The following CCDC60 variants were observed in gnomAD, a reference collection of about 807,000 sequenced individuals.
The protein encoded by CCDC60 is coiled-coil domain containing 60.
CCDC60 carries 54 observed loss-of-function variants against 63.5 expected under a neutral mutation model. The observed-to-expected ratio is 0.85, with a 90% CI of 0.68 to 1.07. The LOEUF (loss-of-function observed/expected upper bound fraction) is 1.07, where lower values mean the gene tolerates loss of function less well. Among genes scored for constraint, CCDC60 ranks in the 50% least tolerant of loss-of-function variants. CCDC60 has a pLI of 0.00. For missense variants in CCDC60, 651 were observed against 684.3 expected (o/e 0.95, Z 0.54); for synonymous variants, 206 against 238.8 (o/e 0.86, Z 1.27).
intron 2 of CCDC60, among the ~76,000 whole-genome samples, chr12:119,465,014 A>G (rs1044590608): frequency 6.6e-6 from 1 of 152,218 alleles, no homozygotes; most frequent in Non-Finnish European, 1.5e-5. Flanking sequence ...CCAATTACGA[A>G]TTAAATAAAT....
rs534522838 is a variant in CCDC60 at position 119,426,900 on chromosome 12, A to G, written c.91-1783A>G. Among the ~76,000 whole-genome samples the G allele has an allele frequency of 1.4e-4, 22 of 152,184 alleles. 1 individual carries two copies. The South Asian group carries it at 3.9e-3, about 27-fold the overall frequency. On this transcript the variant is annotated intron_variant, in intron 1 of 13. Transcript: ENST00000327554. ...GAAACAACAATGCTTTTCAACTTTC[A>G]CTTTACACTTCAAAGCCTCAGAGCA...
intron 7 of CCDC60, among the ~76,000 whole-genome samples, chr12:119,509,346 C>T (rs540659523): frequency 7.2e-5 from 11 of 152,310 alleles, no homozygotes; most frequent in South Asian, 4.1e-4. Context: ...AGCTCACACT[C>T]GTAATCCTGG....
chr12:119,491,414 C>T (rs708876), intron 5 of CCDC60, among the ~76,000 whole-genome samples: 16,798 of 152,146 alleles, frequency 0.11, 1,349 homozygotes, highest in Non-Finnish European at 0.17. Context: ...CTGCAACCTC[C>T]GCCTCCTGGG....
intron 1 of CCDC60, among the ~76,000 whole-genome samples, chr12:119,415,082 C>A (rs561626875): frequency 6.6e-6 from 1 of 152,204 alleles, no homozygotes; most frequent in African/African-American, 2.4e-5. Flanking sequence ...TTGTCAGTTT[C>A]GGTGACTTAG....
At chr12:119,502,570 A>G (rs1444080289) in intron 6 of CCDC60, among the ~76,000 whole-genome samples, 1 of 152,200 alleles carries the variant, frequency 6.6e-6, no homozygotes, top group Non-Finnish European at 1.5e-5. Context: ...TTTTTCTGCC[A>G]GTTTCAATTA....
chr12:119,528,131 T>C (rs1405114109), intron 11 of CCDC60, among the ~76,000 whole-genome samples: 1 of 152,072 alleles, frequency 6.6e-6, no homozygotes, highest in Non-Finnish European at 1.5e-5. Context: ...CTGTAGGCAG[T>C]GGGGTGACAT....
chr12:119,521,305 CTGCATTCA>C, intron 9 of CCDC60, among the ~76,000 whole-genome samples: 1 of 152,290 alleles, frequency 6.6e-6, no homozygotes. Flanking sequence ...TTTTTCCCAT[CTGCATTCA>C]TGGACCCCTT....
At chr12:119,392,963 T>C (rs1956186532) in intron 1 of CCDC60, among the ~76,000 whole-genome samples, 1 of 152,098 alleles carries the variant, frequency 6.6e-6, no homozygotes, top group African/African-American at 2.4e-5. Context: ...GAGACCACCC[T>C]GGGCAACACG....
intron 2 of CCDC60, among the ~76,000 whole-genome samples, chr12:119,451,883 G>C (rs545997662): frequency 6.6e-6 from 1 of 152,220 alleles, no homozygotes; most frequent in African/African-American, 2.4e-5. Flanking sequence ...TGAAGATGTT[G>C]GTCCCTAAGT....
chr12:119,346,631 T>G (rs1955595465), intron 1 of CCDC60, among the ~76,000 whole-genome samples: 1 of 152,218 alleles, frequency 6.6e-6, no homozygotes. Flanking sequence ...AGAATGTGAC[T>G]GTGCCCGTGA....
chr12:119,433,377 C>T, intron 2 of CCDC60: 1 of 701,522 alleles, frequency 1.4e-6, no homozygotes, highest in East Asian at 2.7e-5. Flanking sequence ...TCTGCTCGGA[C>T]ACCCTTAGCC....
In CCDC60 at chr12:119,384,126, G is replaced by A. The variant is rs542161208; in HGVS notation, c.91-44557G>A. On this transcript the variant is annotated intron_variant, in intron 1 of 13. Coordinates refer to ENST00000327554, the MANE Select transcript of CCDC60 (RefSeq NM_178499.5). ...CAGGAGAATGGTTGTGACCCAGGAG[G>A]TGGAGCTTGCAGTGAGCTGACATCG... Among the ~76,000 whole-genome samples the A allele has an allele frequency of 2.5e-4, 38 of 152,170 alleles. No individual in the cohort carries two copies. The East Asian group carries it at 7.0e-3, about 28-fold the overall frequency.
intron 2 of CCDC60, among the ~76,000 whole-genome samples, chr12:119,444,122 A>C (rs1950496435): frequency 6.6e-6 from 1 of 152,232 alleles, no homozygotes; most frequent in Admixed American, 6.5e-5. Context: ...ATCAGATGCC[A>C]GAAAGCATAC....
chr12:119,349,381 T>C (rs989238009), intron 1 of CCDC60, among the ~76,000 whole-genome samples: 2 of 145,650 alleles, frequency 1.4e-5, no homozygotes, highest in African/African-American at 5.1e-5. Flanking sequence ...AGTCTCTCTC[T>C]GTTGCCCAGG....
At chr12:119,534,275 G>GTTGTA (rs1952939846) in intron 13 of CCDC60, among the ~76,000 whole-genome samples, 1 of 152,164 alleles carries the variant, frequency 6.6e-6, no homozygotes, top group East Asian at 1.9e-4. Flanking sequence ...TGTATCTTGA[G>GTTGTA]ACTTTGCTGA....
At position 119,500,136 on chromosome 12, in the gene CCDC60, C is replaced by T. The variant is rs868642901; in HGVS notation, c.616C>T (p.Gln206Ter). The change falls in exon 6 of 14, where the codon CAG (glutamine) becomes TAG (stop). Residue 206 changes from glutamine (Q) to a stop codon, truncating the protein, a stop_gained. Transcript: ENST00000327554. LOFTEE classifies it high-confidence loss of function. ...KKINKDKSMGQKWEHFITAPK... is the reference protein window; with the variant it reads ...KKINKDKSMG ...AATCAATAAGGACAAGTCCATGGGA[C>T]AGAAATGGGAGCATTTCATCACAGC... 1.2e-6 allele frequency: 2 copies of T among 1,611,070 alleles called. No individual in the cohort carries two copies. Among genetic ancestry groups the T allele is most frequent in the Non-Finnish European group, 1.7e-6 (2 of 1,179,134 alleles).
chr12:119,335,201 A>T lies in CCDC60; in HGVS notation c.25A>T (p.Lys9Ter). The stretch of plus-strand genomic sequence containing the variant: ...GATGACCAAGGTTCCAGCCACCAAG[A>T]AGCTTCAGAGTTCCCCCAACTCGGG... MTKVPATK[K>*]LQSSPNSGAV... The change falls in exon 1 of 14, where the codon AAG becomes TAG. Residue 9 changes from lysine to a stop codon, truncating the protein, a stop_gained. Transcript: ENST00000327554. LOFTEE classifies it high-confidence loss of function. 1 of 1,607,370 alleles carries T rather than the reference A, an allele frequency of 6.2e-7. No individual in the cohort carries two copies. Among genetic ancestry groups the T allele is most frequent in the Non-Finnish European group, 8.5e-7 (1 of 1,177,408 alleles).
Position 119,488,760 on chromosome 12 carries a change from G to C in CCDC60, c.451G>C (p.Glu151Gln). Residue 151 changes from glutamate to glutamine, a missense_variant and splice_region_variant, in exon 5 of 14, where the codon GAG (glutamate) becomes CAG (glutamine). By Grantham distance (29) the Glu-to-Gln change is conservative (BLOSUM62 2). Coordinates refer to ENST00000327554, the MANE Select transcript of CCDC60 (RefSeq NM_178499.5). ...ISPSLTEAHV[E>Q]PLFRQLCALH... ...TGTTCCCTCTCTCTGTCTTTGCAGC[G>C]AGCCCCTCTTCCGCCAGCTCTGTGC... is the stretch of plus-strand genomic sequence containing the variant. 1 of 1,613,672 alleles carries C rather than the reference G, an allele frequency of 6.2e-7. No homozygotes were observed. The highest frequency in any genetic ancestry group is 8.5e-7 in the Non-Finnish European group (1 of 1,179,620).
Position 119,401,713 on chromosome 12 carries a change from T to C in CCDC60, c.91-26970T>C, listed in dbSNP as rs369729780. On this transcript the variant is annotated intron_variant, in intron 1 of 13. Coordinates refer to ENST00000327554, the MANE Select transcript of CCDC60 (RefSeq NM_178499.5). ...AACCAATTCAAGATATCCTCAATAATGGATATCATACAAATATTCAACCAT... is the reference window on the plus strand; with the variant it reads ...AACCAATTCAAGATATCCTCAATAACGGATATCATACAAATATTCAACCAT... Among the ~76,000 whole-genome samples, 51 of 152,382 alleles carry C rather than the reference T, an allele frequency of 3.3e-4. No individual in the cohort carries two copies. In the South Asian group the frequency reaches 8.5e-3, roughly 25 times the overall value.
Sources: gnomAD v4.1 joint callset for allele counts (sites outside exome capture counted in the v4.1 genomes callset) on GRCh38, gnomAD v4.1.1 for gene constraint, MANE v1.5 for transcripts, NCBI Gene and HGNC (gene_info 2026-07-23, HGNC 2026-07-21) for gene names.